Variants in RAB8A observed in about 807,000 individuals in gnomAD.
RAB8A encodes ras-related protein Rab-8A.
A neutral mutation model predicts 29.2 loss-of-function variants in RAB8A; 5 were observed. That is an observed-to-expected ratio of 0.17 (90% confidence interval 0.09 to 0.36). The LOEUF is 0.36. Ranked by LOEUF, RAB8A falls within the 10% of genes least tolerant of loss-of-function variation. The pLI, the probability that RAB8A is intolerant of heterozygous loss-of-function variation, is 1.00. For synonymous variants in RAB8A, 108 were observed against 99.9 expected (o/e 1.08, Z -0.49); for missense variants, 171 against 272.2 (o/e 0.63, Z 2.62).
At chr19:16,113,788 T>G (rs757609674) in intron 1 of RAB8A, among the ~76,000 whole-genome samples, 6 of 152,214 alleles carry the variant, frequency 3.9e-5, no homozygotes, top group Non-Finnish European at 8.8e-5. Context: ...AGTTGCTGTT[T>G]GCCCTTGAAT....
intron 1 of RAB8A, 28 bp downstream of exon 1, chr19:16,112,053 C>A (rs376481629): frequency 1.9e-6 from 3 of 1,611,184 alleles, no homozygotes; most frequent in Non-Finnish European, 2.5e-6. Context: ...TGGCTGGGGG[C>A]GCCGGAGGCC....
Position 16,127,577 on chromosome 19 carries a change from G to T in RAB8A, c.414+51G>T. On this transcript the variant is annotated intron_variant, in intron 5 of 7. Coordinates refer to ENST00000300935, the MANE Select transcript of RAB8A (RefSeq NM_005370.5). This position sits in a 1 kb window ranked among gnomAD's most constrained non-coding sequence, Gnocchi z 4.8. ...AGGGCCTCGGGGTCTTGGGGTTCTT[G>T]TGCAGAGGCCTTCCCCTGTCCCTCC... 3 of 1,365,764 alleles carry T rather than the reference G, an allele frequency of 2.2e-6. No homozygotes were observed. Among genetic ancestry groups the T allele is most frequent in the Non-Finnish European group, 3.0e-6 (3 of 1,015,636 alleles). The allele number at this position is 1,365,764 out of a possible 1,614,324, so 84.6% of individuals were successfully genotyped here.
Position 16,125,019 on chromosome 19 carries a change from C to CGTATCATTAAAAAAAAAAAA in RAB8A, c.247-451_247-450insGTATCATTAAAAAAAAAAAA. 4.3e-6 allele frequency: 1 copy of CGTATCATTAAAAAAAAAAAA among 230,230 alleles called. No individual in the cohort carries two copies. Among genetic ancestry groups the CGTATCATTAAAAAAAAAAAA allele is most frequent in the Non-Finnish European group, 9.0e-6 (1 of 111,572 alleles). 14.3% of individuals were successfully genotyped at this position (230,230 alleles called of 1,614,324 possible). On this transcript the variant is annotated intron_variant, in intron 3 of 7. Coordinates refer to ENST00000300935, the MANE Select transcript of RAB8A (RefSeq NM_005370.5). This position sits in a 1 kb window ranked among gnomAD's most constrained non-coding sequence, Gnocchi z 5.0. ...CAGGACTTCCTGGGCTCAGTTGTGCCTGGTAGGTGGCTCAGGCAGAGCGTG... is the reference window on the plus strand; with the variant it reads ...CAGGACTTCCTGGGCTCAGTTGTGCCGTATCATTAAAAAAAAAAAATGGTAGGTGGCTCAGGCAGAGCGTG...
Position 16,125,770 on chromosome 19 carries a change from C to A in RAB8A, c.324+223C>A. On this transcript the variant is annotated intron_variant, in intron 4 of 7. Coordinates refer to ENST00000300935, the MANE Select transcript of RAB8A (RefSeq NM_005370.5). This position sits in a 1 kb window ranked among gnomAD's most constrained non-coding sequence, Gnocchi z 5.0. ...CCGGAGCCCCTCGGAGCCCATCCCT[C>A]CAGCTAGGCTGTTGGATCTGGCCAG... 1 of 666,890 alleles carries A rather than the reference C, an allele frequency of 1.5e-6. No homozygotes were observed. The highest frequency in any genetic ancestry group is 2.8e-6 in the Non-Finnish European group (1 of 361,808). 41.3% of individuals were successfully genotyped at this position (666,890 alleles called of 1,614,324 possible).
intron 7 of RAB8A, among the ~76,000 whole-genome samples, chr19:16,131,625 T>C (rs1453421633): frequency 6.7e-6 from 1 of 148,156 alleles, no homozygotes; most frequent in East Asian, 2.0e-4. Flanking sequence ...GGATGGATGG[T>C]TGGTTGGATG....
rs1266266712 is a variant in RAB8A, at chr19:16,132,311, C to T, written c.*7C>T. 2 of 1,613,224 alleles carry T rather than the reference C, an allele frequency of 1.2e-6. No individual in the cohort carries two copies. Among genetic ancestry groups the T allele is most frequent in the Non-Finnish European group, 1.7e-6 (2 of 1,179,646 alleles). On this transcript the variant is annotated 3_prime_UTR_variant, in exon 8 of 8. Coordinates refer to ENST00000300935, the MANE Select transcript of RAB8A (RefSeq NM_005370.5). The surrounding 1 kb of genome is among the most constrained non-coding windows in gnomAD (Gnocchi z 5.6). ...CCGATGTGTTCTTCTGTGAGGAACA[C>T]CGCCTTACTCTGAGCCTCGCTCAGC...
In RAB8A at chr19:16,127,651, C is replaced by T. The variant is rs1054809255; in HGVS notation, c.414+125C>T. ...GTTGGTCACCCCAGTGGGGCACGTG[C>T]CATGGGATGACAGAAGCACACACCC... is the stretch of plus-strand genomic sequence containing the variant. On this transcript the variant is annotated intron_variant, in intron 5 of 7. Coordinates refer to ENST00000300935, the MANE Select transcript of RAB8A (RefSeq NM_005370.5). The surrounding 1 kb of genome is among the most constrained non-coding windows in gnomAD (Gnocchi z 4.8). 2.1e-5 allele frequency: 16 copies of T among 750,382 alleles called. No homozygotes were observed. Among genetic ancestry groups the T allele is most frequent in the Admixed American group, 6.0e-5 (2 of 33,294 alleles). 46.5% of individuals were successfully genotyped at this position (750,382 alleles called of 1,614,324 possible). A position where few individuals can be genotyped will look rare whatever the true frequency, so the allele number is the denominator to read the frequency against.
At chr19:16,113,824 C>G (rs905695956) in intron 1 of RAB8A, among the ~76,000 whole-genome samples, 1 of 152,172 alleles carries the variant, frequency 6.6e-6, no homozygotes, top group African/African-American at 2.4e-5. Context: ...CTGAGCCCTG[C>G]TGTCTTTAGA....
At position 16,129,532 on chromosome 19, in the gene RAB8A, TCACAATGTGCTTATTC is replaced by T; in HGVS notation, c.481-17_481-2del. The T allele has an allele frequency of 1.9e-6, 3 of 1,613,624 alleles. No homozygotes were observed. Among genetic ancestry groups the T allele is most frequent in the Non-Finnish European group, 2.5e-6 (3 of 1,179,616 alleles). On this transcript the variant is annotated splice_region_variant and splice_polypyrimidine_tract_variant and intron_variant, in intron 6 of 7. Transcript: ENST00000300935. ...CTCAGGGTCCTGCCATCCCAAGGAC[TCACAATGTGCTTATTC>T]CACAGGCATTTTTCACTCTCGCCAG...
Position 16,132,367 on chromosome 19 carries a change from C to G in RAB8A, c.*63C>G. On this transcript the variant is annotated 3_prime_UTR_variant, in exon 8 of 8. Transcript: ENST00000300935. The surrounding 1 kb of genome is among the most constrained non-coding windows in gnomAD (Gnocchi z 5.6). ...TGACTGTGCCTGTTCTGAGTGAGCC[C>G]CTCACTCAGCCGGGGCCCTCCCACC... 2 of 1,515,498 alleles carry G rather than the reference C, an allele frequency of 1.3e-6. No individual in the cohort carries two copies. Among genetic ancestry groups the G allele is most frequent in the Non-Finnish European group, 1.8e-6 (2 of 1,105,882 alleles). The allele number at this position is 1,515,498 out of a possible 1,614,324, so 93.9% of individuals were successfully genotyped here.
chr19:16,118,594 C>T (rs1304899309), intron 2 of RAB8A, among the ~76,000 whole-genome samples: 4 of 152,328 alleles, frequency 2.6e-5, no homozygotes, highest in East Asian at 3.9e-4. Context: ...TTCTGTTGAA[C>T]GGGAAGAGAG....
At position 16,127,823 on chromosome 19, in the gene RAB8A, C is replaced by A; in HGVS notation, c.415-203C>A. On this transcript the variant is annotated intron_variant, in intron 5 of 7. Coordinates refer to ENST00000300935, the MANE Select transcript of RAB8A (RefSeq NM_005370.5). This position sits in a 1 kb window ranked among gnomAD's most constrained non-coding sequence, Gnocchi z 4.8. ...GCCACCCTCCCATCTCAGCTGCCAT[C>A]CCCAGCAACTCCATGCCCTGTGAGG... is the stretch of plus-strand genomic sequence containing the variant. 1 of 639,672 alleles carries A rather than the reference C, an allele frequency of 1.6e-6. No homozygotes were observed. Among genetic ancestry groups the A allele is most frequent in the Non-Finnish European group, 2.8e-6 (1 of 356,332 alleles). 39.6% of individuals were successfully genotyped at this position (639,672 alleles called of 1,614,324 possible).
chr19:16,129,864 C>T (rs1256416233), intron 7 of RAB8A, among the ~76,000 whole-genome samples: 1 of 151,900 alleles, frequency 6.6e-6, no homozygotes, highest in African/African-American at 2.4e-5. Context: ...ACGGCCTTTT[C>T]CATTCCACTC....
chr19:16,129,829 G>A (rs1000323976), intron 7 of RAB8A, among the ~76,000 whole-genome samples: 1 of 152,208 alleles, frequency 6.6e-6, no homozygotes, highest in Non-Finnish European at 1.5e-5. Flanking sequence ...CGTGCCCGGT[G>A]AATCCCCAGG....
At chr19:16,121,667 A>G in intron 2 of RAB8A, 83 bp from the exon 3 acceptor site, 1 of 1,267,294 alleles carries the variant, frequency 7.9e-7, no homozygotes, top group African/African-American at 1.5e-5. Flanking sequence ...AAAGCCAGGC[A>G]TCCCGGGTAG....
rs1296362194 is a variant in RAB8A at position 16,127,992 on chromosome 19, G to A, written c.415-34G>A. 2.5e-6 allele frequency: 4 copies of A among 1,610,032 alleles called. No homozygotes were observed. Among genetic ancestry groups the A allele is most frequent in the Non-Finnish European group, 3.4e-6 (4 of 1,176,426 alleles). On this transcript the variant is annotated intron_variant, in intron 5 of 7. Transcript: ENST00000300935. The surrounding 1 kb of genome is among the most constrained non-coding windows in gnomAD (Gnocchi z 4.8). ...GCAAGCTCAGATGCGCCCGGCGGCT[G>A]GTGTGCTCATGCGTGTGCCTCCCTC...
intron 2 of RAB8A, among the ~76,000 whole-genome samples, chr19:16,121,505 A>G (rs189291878): frequency 2.0e-5 from 3 of 152,318 alleles, no homozygotes. Context: ...GCAAAGGTGC[A>G]GAAGAGGAGA....
chr19:16,127,550 A>G lies in RAB8A; in HGVS notation c.414+24A>G, dbSNP rs1259056626. On this transcript the variant is annotated intron_variant, in intron 5 of 7. Transcript: ENST00000300935. This position sits in a 1 kb window ranked among gnomAD's most constrained non-coding sequence, Gnocchi z 4.8. Reference sequence around the variant, plus strand: ...AGGTGGGCATGGTGGCACAAGGGGCAGAGGGCCTCGGGGTCTTGGGGTTCT... The same window carrying G: ...AGGTGGGCATGGTGGCACAAGGGGCGGAGGGCCTCGGGGTCTTGGGGTTCT... 4.0e-6 allele frequency: 6 copies of G among 1,486,040 alleles called. No homozygotes were observed. The South Asian group carries it at 5.6e-5, about 14-fold the overall frequency. The allele number at this position is 1,486,040 out of a possible 1,614,324, so 92.1% of individuals were successfully genotyped here.
intron 6 of RAB8A, among the ~76,000 whole-genome samples, chr19:16,128,631 G>T (rs907516223): frequency 1.3e-5 from 2 of 152,192 alleles, no homozygotes; most frequent in Non-Finnish European, 2.9e-5. Flanking sequence ...CTGACGTGAA[G>T]ACAAAGGCTA....
Sources: gnomAD v4.1 joint callset for allele counts (sites outside exome capture counted in the v4.1 genomes callset) on GRCh38, gnomAD v4.1.1 for gene constraint, Gnocchi (gnomAD v3.1) non-coding constraint, MANE v1.5 for transcripts, NCBI Gene and HGNC (gene_info 2026-07-23, HGNC 2026-07-21) for gene names.